Variants in ADGRL2 observed in about 807,000 individuals in gnomAD.
ADGRL2 encodes calcium-independent alpha-latrotoxin receptor 2.
A neutral mutation model predicts 157.4 loss-of-function variants in ADGRL2; 44 were observed. The ratio of observed to expected loss-of-function variants is 0.28; its 90% CI spans 0.22 to 0.36. The LOEUF is 0.36. Among genes scored for constraint, ADGRL2 ranks in the 10% least tolerant of loss-of-function variants. The pLI is 1.00. For missense variants in ADGRL2, 1,510 were observed against 1,768.9 expected (o/e 0.85, Z 2.63); for synonymous variants, 585 against 624.7 (o/e 0.94, Z 0.95).
intron 1 of ADGRL2, among the ~76,000 whole-genome samples, chr1:81,808,263 AAG>A (rs1181208337): frequency 7.2e-5 from 11 of 152,176 alleles, no homozygotes; most frequent in African/African-American, 2.2e-4. Flanking sequence ...GAATGACTAA[AAG>A]AAAAAAAATC....
intron 1 of ADGRL2, among the ~76,000 whole-genome samples, chr1:81,725,364 C>T (rs138160672): frequency 6.6e-6 from 1 of 151,738 alleles, no homozygotes; most frequent in African/African-American, 2.4e-5. Context: ...ATAGTGAAAC[C>T]CTGTCTTTAC....
chr1:81,952,174 G>C, intron 9 of ADGRL2, 32 bp downstream of exon 9: 1 of 1,541,678 alleles, frequency 6.5e-7, no homozygotes, highest in Non-Finnish European at 8.8e-7. Flanking sequence ...TTTTGAATTA[G>C]ACACTTGGTA....
chr1:81,387,192 C>G (rs2076453630), intron 1 of ADGRL2, among the ~76,000 whole-genome samples: 1 of 152,154 alleles, frequency 6.6e-6, no homozygotes, highest in African/African-American at 2.4e-5. Context: ...CGTGAAAACA[C>G]TTGGACTTGT....
At position 81,981,988 on chromosome 1, in the gene ADGRL2, A is replaced by G; in HGVS notation, c.3282+12A>G. The G allele has an allele frequency of 5.6e-6, 9 of 1,607,898 alleles. No homozygotes were observed. Among genetic ancestry groups the G allele is most frequent in the Non-Finnish European group, 7.7e-6 (9 of 1,176,262 alleles). ...CTCTCCAAAAGAAAGTAAGTAATTG[A>G]AAACACCTAGGGGCTCAGGTTACTC... is the stretch of plus-strand genomic sequence containing the variant. On this transcript the variant is annotated intron_variant, in intron 19 of 23. Transcript: ENST00000686636.
At chr1:81,833,568 A>C (rs916522077) in intron 1 of ADGRL2, among the ~76,000 whole-genome samples, 7 of 152,192 alleles carry the variant, frequency 4.6e-5, no homozygotes, top group Non-Finnish European at 7.3e-5. Flanking sequence ...TATTTTTTCT[A>C]CATTTGTTAA....
chr1:81,948,124 G>A (rs1650502012), intron 6 of ADGRL2, among the ~76,000 whole-genome samples: 1 of 151,894 alleles, frequency 6.6e-6, no homozygotes, highest in Non-Finnish European at 1.5e-5. Context: ...AGCTGAAGCA[G>A]GAGAATGGCT....
At chr1:81,328,378 G>T (rs945863688) in intron 1 of ADGRL2, among the ~76,000 whole-genome samples, 2 of 151,942 alleles carry the variant, frequency 1.3e-5, no homozygotes, top group Non-Finnish European at 2.9e-5. Flanking sequence ...AGGAAACATC[G>T]AATTGTGCTA....
In ADGRL2 at chr1:81,524,681, A is replaced by C. The variant is rs564744793; in HGVS notation, c.-247-56195A>C. Among the ~76,000 whole-genome samples, 8 of 152,288 alleles carry C rather than the reference A, an allele frequency of 5.3e-5. No homozygotes were observed. In the East Asian group the frequency reaches 1.5e-3, roughly 29 times the overall value. The stretch of plus-strand genomic sequence containing the variant: ...TTTTTTAATTTATATTAACAACAAC[A>C]ACCAAAAAAACAAGATGCAAAACAG... On this transcript the variant is annotated intron_variant, in intron 2 of 24. Coordinates refer to the ADGRL2 transcript ENST00000370721.
At chr1:81,457,994 T>C (rs1309493737) in intron 2 of ADGRL2, among the ~76,000 whole-genome samples, 4 of 152,226 alleles carry the variant, frequency 2.6e-5, no homozygotes, top group African/African-American at 9.6e-5. Flanking sequence ...TGCCATGTTT[T>C]CAGCTACTAT....
At chr1:81,435,232 C>G (rs1029267942) in intron 1 of ADGRL2, among the ~76,000 whole-genome samples, 1 of 152,150 alleles carries the variant, frequency 6.6e-6, no homozygotes, top group Non-Finnish European at 1.5e-5. Flanking sequence ...TTCTGCTTCA[C>G]CAGCAACTGA....
intron 18 of ADGRL2, among the ~76,000 whole-genome samples, chr1:81,981,521 CAA>C (rs1157647559): frequency 1.3e-5 from 2 of 151,842 alleles, no homozygotes; most frequent in Non-Finnish European, 2.9e-5. Flanking sequence ...ACATAAAAGA[CAA>C]AGTCATAGGG....
intron 1 of ADGRL2, among the ~76,000 whole-genome samples, chr1:81,750,461 G>A (rs1168354295): frequency 1.3e-5 from 2 of 152,210 alleles, no homozygotes; most frequent in African/African-American, 4.8e-5. Flanking sequence ...GCTCACGCCT[G>A]TAATCCCAGC....
intron 1 of ADGRL2, among the ~76,000 whole-genome samples, chr1:81,418,568 G>C (rs1046059252): frequency 6.6e-5 from 10 of 151,148 alleles, no homozygotes; most frequent in Non-Finnish European, 1.2e-4. Flanking sequence ...TGGCTAACAC[G>C]GTGAAACCCC....
At chr1:81,540,465 G>T (rs184511423) in intron 2 of ADGRL2, among the ~76,000 whole-genome samples, 1 of 152,280 alleles carries the variant, frequency 6.6e-6, no homozygotes, top group African/African-American at 2.4e-5. Context: ...GAAAATAATG[G>T]AAATGCATAG....
chr1:81,821,907 G>C (rs552763562), intron 1 of ADGRL2, among the ~76,000 whole-genome samples: 1 of 152,116 alleles, frequency 6.6e-6, no homozygotes, highest in Admixed American at 6.6e-5. Context: ...ATGCTGATTT[G>C]AGGAATGGTG....
intron 3 of ADGRL2, among the ~76,000 whole-genome samples, chr1:81,672,617 A>T (rs974715853): frequency 6.6e-6 from 1 of 152,250 alleles, no homozygotes; most frequent in Non-Finnish European, 1.5e-5. Context: ...TTTAACCTAG[A>T]TGAAATGTCA....
chr1:81,643,917 C>A (rs1360742233), intron 3 of ADGRL2, among the ~76,000 whole-genome samples: 1 of 151,994 alleles, frequency 6.6e-6, no homozygotes, highest in African/African-American at 2.4e-5. Context: ...TCTAAAGTAA[C>A]CAACATAATA....
chr1:81,725,205 A>AG (rs1039362064), intron 1 of ADGRL2, among the ~76,000 whole-genome samples: 2 of 142,338 alleles, frequency 1.4e-5, no homozygotes, highest in Non-Finnish European at 3.0e-5. Context: ...CCCCGTCTCA[A>AG]AAAAAAAAAA....
intron 1 of ADGRL2, among the ~76,000 whole-genome samples, chr1:81,743,129 T>C (rs1199306799): frequency 1.3e-5 from 2 of 151,656 alleles, no homozygotes; most frequent in Non-Finnish European, 2.9e-5. Flanking sequence ...TTTTACAGAG[T>C]AAAAGGAAAC....
Sources: gnomAD v4.1 joint callset for allele counts (sites outside exome capture counted in the v4.1 genomes callset) on GRCh38, gnomAD v4.1.1 for gene constraint, MANE v1.5 for transcripts, NCBI Gene and HGNC (gene_info 2026-07-23, HGNC 2026-07-21) for gene names.